Variants in LRP1B observed in about 807,000 individuals in gnomAD.
The protein encoded by LRP1B is low-density lipoprotein receptor-related protein 1B.
Under a neutral mutation model 556.6 loss-of-function variants are expected in LRP1B, and 217 were observed. The ratio of observed to expected loss-of-function variants is 0.39; its 90% confidence interval spans 0.35 to 0.44. The LOEUF (loss-of-function observed/expected upper bound fraction) is 0.44, where lower values mean the gene tolerates loss of function less well. LRP1B is among the 20% of genes least tolerant of loss of function. The probability of loss-of-function intolerance (pLI) is 1.00; values close to 1 mark genes in which losing one functional copy is unlikely to be tolerated. For missense variants in LRP1B, 5,053 were observed against 5,620.8 expected (o/e 0.90, Z 3.23); for synonymous variants, 2,047 against 1,865.8 (o/e 1.10, Z -2.50).
intron 3 of LRP1B, among the ~76,000 whole-genome samples, chr2:141,387,699 GA>G (rs1416315717): frequency 6.6e-6 from 1 of 152,108 alleles, no homozygotes; most frequent in Non-Finnish European, 1.5e-5. Context: ...AAAAGGTCAA[GA>G]ACAGAGGGCT....
At chr2:140,653,386 C>T (rs1684757805) in intron 41 of LRP1B, among the ~76,000 whole-genome samples, 1 of 151,570 alleles carries the variant, frequency 6.6e-6, no homozygotes, top group African/African-American at 2.4e-5. Context: ...GTGATAAGTA[C>T]TATAAGCAAA....
rs538896714 is a variant in LRP1B at position 141,918,617 on chromosome 2, A to G, written c.83-108216T>C. Among the ~76,000 whole-genome samples, 41 of 152,230 alleles carry G rather than the reference A, an allele frequency of 2.7e-4. No homozygotes were observed. The South Asian group carries it at 8.5e-3, about 32-fold the overall frequency. On this transcript the variant is annotated intron_variant, in intron 1 of 90. Transcript: ENST00000389484. Reference sequence around the variant, plus strand: ...AACCACAGAGTTTTCCTATCTCACAAATCAATTTCATTCTATTATATCGGT... The same window carrying G: ...AACCACAGAGTTTTCCTATCTCACAGATCAATTTCATTCTATTATATCGGT...
At chr2:140,613,240 CAATTAT>C (rs987090171) in intron 41 of LRP1B, among the ~76,000 whole-genome samples, 1 of 142,218 alleles carries the variant, frequency 7.0e-6, no homozygotes, top group African/African-American at 2.6e-5. Flanking sequence ...ATATATATTA[CAATTAT>C]ATTTATATAA....
intron 43 of LRP1B, among the ~76,000 whole-genome samples, chr2:140,553,181 A>G (rs1349559337): frequency 2.0e-5 from 3 of 152,236 alleles, no homozygotes; most frequent in Middle Eastern, 3.4e-3. Context: ...TGGGTATGAT[A>G]GAATGTTACT....
At chr2:140,629,589 A>C (rs564044733) in intron 41 of LRP1B, among the ~76,000 whole-genome samples, 2 of 152,340 alleles carry the variant, frequency 1.3e-5, no homozygotes, top group African/African-American at 2.4e-5. Context: ...CAAATTCATA[A>C]AATGGAATAC....
At chr2:141,693,294 G>A (rs1434076353) in intron 2 of LRP1B, among the ~76,000 whole-genome samples, 1 of 151,954 alleles carries the variant, frequency 6.6e-6, no homozygotes, top group Non-Finnish European at 1.5e-5. Context: ...CACAAAGTGG[G>A]CATCAGTTAT....
chr2:142,028,279 T>C (rs1321571471), intron 1 of LRP1B, among the ~76,000 whole-genome samples: 1 of 151,976 alleles, frequency 6.6e-6, no homozygotes, highest in Non-Finnish European at 1.5e-5. Flanking sequence ...TCAAGATAAT[T>C]AGGTCGTGTA....
intron 3 of LRP1B, among the ~76,000 whole-genome samples, chr2:141,319,991 A>G (rs1025443972): frequency 9.2e-5 from 14 of 152,068 alleles, no homozygotes; most frequent in Admixed American, 8.5e-4. Flanking sequence ...TTACCTGGGG[A>G]TCTTGGGAAA....
chr2:140,569,172 A>C (rs1442163571), intron 43 of LRP1B, among the ~76,000 whole-genome samples: 1 of 152,030 alleles, frequency 6.6e-6, no homozygotes, highest in African/African-American at 2.4e-5. Context: ...CAAACTACAC[A>C]AAACAATAAA....
At chr2:140,461,145 C>A (rs1161567032) in intron 60 of LRP1B, among the ~76,000 whole-genome samples, 1 of 151,466 alleles carries the variant, frequency 6.6e-6, no homozygotes, top group Non-Finnish European at 1.5e-5. Context: ...TTAACTGTTG[C>A]CTCACAGCTT....
At chr2:141,483,857 A>C (rs1368414539) in intron 2 of LRP1B, among the ~76,000 whole-genome samples, 4 of 149,974 alleles carry the variant, frequency 2.7e-5, no homozygotes, top group Non-Finnish European at 5.9e-5. Context: ...TAGATTCTGG[A>C]TATTAGCCCT....
chr2:141,639,869 C>G (rs1185591250), intron 2 of LRP1B, among the ~76,000 whole-genome samples: 2 of 152,094 alleles, frequency 1.3e-5, no homozygotes, highest in African/African-American at 4.8e-5. Flanking sequence ...CTTCTTGTTA[C>G]AAATGACATT....
rs777710899 is a variant in LRP1B, at chr2:141,015,708, C to T, written c.2178G>A (p.Gly726=). The part of the protein sequence containing the change: ...YDHIEKVFLN[G]THRKIVYSGR... ...ATTTGTCTTTTACCTTCCTGTGAGT[C>T]CCATTCAAAAATACTTTTTCAATAT... Residue 726 remains glycine (G), a synonymous_variant, in exon 13 of 91, where the codon GGG becomes GGA. Transcript: ENST00000389484. 2 of 1,611,818 alleles carry T rather than the reference C, an allele frequency of 1.2e-6. No individual in the cohort carries two copies. Among genetic ancestry groups the T allele is most frequent in the South Asian group, 2.2e-5 (2 of 91,010 alleles).
At chr2:141,695,687 C>T (rs2105452904) in intron 2 of LRP1B, among the ~76,000 whole-genome samples, 2 of 151,800 alleles carry the variant, frequency 1.3e-5, no homozygotes, top group South Asian at 4.2e-4. Context: ...CACATATATC[C>T]CCTTAATAAT....
chr2:141,031,614 T>G (rs1698373994), intron 11 of LRP1B, among the ~76,000 whole-genome samples: 1 of 151,960 alleles, frequency 6.6e-6, no homozygotes, highest in African/African-American at 2.4e-5. Flanking sequence ...TTTTAATAGC[T>G]GGTTAAGTAA....
At chr2:141,838,821 A>G (rs551234913) in intron 1 of LRP1B, among the ~76,000 whole-genome samples, 1 of 152,294 alleles carries the variant, frequency 6.6e-6, no homozygotes, top group Admixed American at 6.5e-5. Context: ...GGGAAAATTG[A>G]TTATGAGATT....
intron 32 of LRP1B, among the ~76,000 whole-genome samples, chr2:140,793,250 A>ATGTT (rs1489114435): frequency 6.6e-6 from 1 of 152,002 alleles, no homozygotes; most frequent in East Asian, 1.9e-4. Flanking sequence ...ATTAGCATTA[A>ATGTT]TGTTATATGA....
At chr2:141,168,601 A>G (rs1680365526) in intron 7 of LRP1B, among the ~76,000 whole-genome samples, 1 of 152,110 alleles carries the variant, frequency 6.6e-6, no homozygotes. Context: ...CAACAGTAAT[A>G]ATAATTTCAA....
chr2:140,923,260 TATA>T (rs564180054), intron 20 of LRP1B, 113 bp from the exon 21 acceptor site: 7 of 719,116 alleles, frequency 9.7e-6, no homozygotes, highest in Non-Finnish European at 1.6e-5. Flanking sequence ...CAGGCATTAT[TATA>T]ATGCTAGAGA....
Sources: gnomAD v4.1 joint callset for allele counts (sites outside exome capture counted in the v4.1 genomes callset) on GRCh38, gnomAD v4.1.1 for gene constraint, MANE v1.5 for transcripts, NCBI Gene and HGNC (gene_info 2026-07-23, HGNC 2026-07-21) for gene names.